NT5DC3: variants seen among roughly 807,000 people sequenced by gnomAD.
NT5DC3 encodes the protein 5'-nucleotidase domain-containing protein 3.
In NT5DC3, 42 loss-of-function variants were observed where a neutral mutation model predicts 67.8. That is an observed-to-expected ratio of 0.62 (90% confidence interval 0.48 to 0.80). The LOEUF is 0.80. NT5DC3 is among the 30% of genes least tolerant of loss of function. NT5DC3 has a pLI of 0.00. For missense variants in NT5DC3, 570 were observed against 696.4 expected (o/e 0.82, Z 2.04); for synonymous variants, 237 against 255.6 (o/e 0.93, Z 0.69).
In NT5DC3 at chr12:103,784,602, C is replaced by T. The variant is rs150057338; in HGVS notation, c.1329+733G>A. Reference sequence around the variant, plus strand: ...TGTGCCCAGATCCTAAAAATGTCAGCACCCATGCTGAGACGGCTGTAGCCC... The same window carrying T: ...TGTGCCCAGATCCTAAAAATGTCAGTACCCATGCTGAGACGGCTGTAGCCC... On this transcript the variant is annotated intron_variant, in intron 12 of 13. Transcript: ENST00000392876. 4.3e-3 allele frequency among the ~76,000 whole-genome samples: 660 copies of T among 152,346 alleles called. 5 individuals carry two copies. Among genetic ancestry groups the T allele is most frequent in the African/African-American group, 0.015 (628 of 41,578 alleles).
At position 103,785,886 on chromosome 12, in the gene NT5DC3, T is replaced by C. The variant is rs183987161; in HGVS notation, c.1189-411A>G. On this transcript the variant is annotated intron_variant, in intron 11 of 13. Transcript: ENST00000392876. ...AGGCCCTCTGGGTTATGGAGAACCA[T>C]GGAATCTCAGATTTGGAATGATCAC... 141 of 375,404 alleles carry C rather than the reference T, an allele frequency of 3.8e-4. 1 individual carries two copies. Among genetic ancestry groups the C allele is most frequent in the African/African-American group, 2.4e-3 (112 of 47,022 alleles). The allele number at this position is 375,404 out of a possible 1,614,324, so 23.3% of individuals were successfully genotyped here.
chr12:103,789,211 G>A (rs956620989), intron 9 of NT5DC3, among the ~76,000 whole-genome samples: 5 of 152,124 alleles, frequency 3.3e-5, no homozygotes, highest in Admixed American at 2.6e-4. Context: ...ATCACCTGAG[G>A]TCAGGAGTTC....
chr12:103,836,292 C>G (rs12369835), intron 1 of NT5DC3, among the ~76,000 whole-genome samples: 19,345 of 152,258 alleles, frequency 0.13, 1,418 homozygotes, highest in Middle Eastern at 0.28. Context: ...AGTCCAAAGT[C>G]TCATCTAAGA....
At chr12:103,751,111 T>C in the NT5DC3 span, among the ~76,000 whole-genome samples, 2 of 152,164 alleles carry the variant, frequency 1.3e-5, no homozygotes, top group African/African-American at 4.8e-5. Context: ...CAGAGGGACT[T>C]CAGTGGTTCA....
the NT5DC3 span, chr12:103,757,835 G>A: frequency 6.7e-6 from 2 of 300,412 alleles, no homozygotes; most frequent in Non-Finnish European, 1.3e-5. Flanking sequence ...GAGCTGTTAT[G>A]AAGACTTGGA....
chr12:103,815,280 A>G (rs1887202402), intron 1 of NT5DC3, among the ~76,000 whole-genome samples, 159 bp from the exon 2 acceptor site: 1 of 152,226 alleles, frequency 6.6e-6, no homozygotes, highest in African/African-American at 2.4e-5. Context: ...CACACGTTGC[A>G]TGATCCTATT....
chr12:103,780,307 C>G lies in NT5DC3; in HGVS notation c.1387G>C (p.Glu463Gln). The G allele has an allele frequency of 1.9e-6, 3 of 1,613,544 alleles. No homozygotes were observed. Among genetic ancestry groups the G allele is most frequent in the Non-Finnish European group, 2.5e-6 (3 of 1,179,458 alleles). Residue 463 changes from glutamate to glutamine, a missense_variant, in exon 13 of 14, where the codon GAG (glutamate) becomes CAG (glutamine). Coordinates refer to ENST00000392876, the MANE Select transcript of NT5DC3 (RefSeq NM_001031701.3). ...VLQEWKKERK[E>Q]MREMTKSFFN... The stretch of plus-strand genomic sequence containing the variant: ...AATACAGGCCTCTCTTACCGCATCT[C>G]CTTCCTTTCCTTTTTCCACTCCTGC...
the NT5DC3 span, among the ~76,000 whole-genome samples, chr12:103,747,251 C>CAT: frequency 2.4e-4 from 36 of 152,290 alleles, no homozygotes; most frequent in African/African-American, 7.9e-4. Flanking sequence ...ACTGTGAACA[C>CAT]TGCAATATCC....
downstream of NT5DC3, chr12:103,766,444 G>C: frequency 7.8e-7 from 1 of 1,289,570 alleles, no homozygotes; most frequent in Non-Finnish European, 1.1e-6. Flanking sequence ...TAAGCACTCA[G>C]AAGCCATACC....
At chr12:103,814,676 C>T (rs1320328281) in intron 2 of NT5DC3, among the ~76,000 whole-genome samples, 2 of 152,114 alleles carry the variant, frequency 1.3e-5, no homozygotes, top group Non-Finnish European at 2.9e-5. Flanking sequence ...CTGTGAAAGA[C>T]GAGAGTGTAA....
chr12:103,748,584 CCACACACACACACACACACATACA>C, the NT5DC3 span, among the ~76,000 whole-genome samples: 182 of 141,956 alleles, frequency 1.3e-3, 1 homozygote, highest in East Asian at 0.011. Flanking sequence ...TAACTCTACA[CCACACACACACACACACACATACA>C]CACACACACA....
chr12:103,809,632 T>C (rs1309114469), intron 2 of NT5DC3, among the ~76,000 whole-genome samples: 2 of 152,212 alleles, frequency 1.3e-5, no homozygotes, highest in Non-Finnish European at 2.9e-5. Context: ...CTCGGCTTTA[T>C]AACACCATTA....
chr12:103,814,892 G>A (rs763810172), intron 2 of NT5DC3, 45 bp downstream of exon 2: 1 of 1,483,262 alleles, frequency 6.7e-7, no homozygotes, highest in South Asian at 1.3e-5. Context: ...GCTGTTCTAA[G>A]AGGAAAAGGG....
the NT5DC3 span, chr12:103,750,867 G>C: frequency 8.0e-6 from 9 of 1,126,078 alleles, no homozygotes; most frequent in African/African-American, 1.1e-4. Context: ...AAGGCAGATG[G>C]ATCACTTGAG....
At chr12:103,840,407 T>C (rs1888347527) in intron 1 of NT5DC3, among the ~76,000 whole-genome samples, 1 of 148,560 alleles carries the variant, frequency 6.7e-6, no homozygotes, top group African/African-American at 2.5e-5. Flanking sequence ...TCTCATCTCA[T>C]CTCATCTCAT....
At chr12:103,753,169 AC>A in the NT5DC3 span, 11 of 1,603,552 alleles carry the variant, frequency 6.9e-6, no homozygotes, top group African/African-American at 1.3e-5. Flanking sequence ...TGTTGGAAAC[AC>A]TGCCAACCTG....
Position 103,793,937 on chromosome 12 carries a change from C to T in NT5DC3, c.814G>A (p.Glu272Lys). 1 of 1,609,274 alleles carries T rather than the reference C, an allele frequency of 6.2e-7. No homozygotes were observed. Among genetic ancestry groups the T allele is most frequent in the Non-Finnish European group, 8.5e-7 (1 of 1,175,626 alleles). The change falls in exon 7 of 14, where the codon GAA (glutamate) becomes AAA (lysine). Residue 272 changes from glutamate (E) to lysine (K), a missense_variant and splice_region_variant. Glu to Lys is a moderately conservative substitution (Grantham distance 56). This residue lies in a region of NT5DC3 where 466 missense variants were observed against 608.0 expected (regional missense o/e 0.77). Coordinates refer to ENST00000392876, the MANE Select transcript of NT5DC3 (RefSeq NM_001031701.3). ...IMYRAIEADI[E>K]KYICYAEQTR... The stretch of plus-strand genomic sequence containing the variant: ...CTTCGTGATACTGCTGAGCACATAC[C>T]AATGTCTGCTTCAATTGCTCTGTAC...
At chr12:103,799,836 C>T (rs945566378) in intron 4 of NT5DC3, among the ~76,000 whole-genome samples, 3 of 146,488 alleles carry the variant, frequency 2.0e-5, no homozygotes, top group African/African-American at 7.5e-5. Context: ...AAGTCAGTGG[C>T]CAGGATTTCA....
chr12:103,805,943 T>C (rs1002616366), intron 4 of NT5DC3, among the ~76,000 whole-genome samples: 3 of 150,754 alleles, frequency 2.0e-5, no homozygotes, highest in African/African-American at 7.3e-5. Flanking sequence ...ATAGCCCTCC[T>C]GCTCCAAGTC....
Sources: gnomAD v4.1 joint callset for allele counts (sites outside exome capture counted in the v4.1 genomes callset) on GRCh38, gnomAD v4.1.1 for gene constraint, gnomAD v4.1.1 regional missense constraint, MANE v1.5 for transcripts, NCBI Gene and HGNC (gene_info 2026-07-23, HGNC 2026-07-21) for gene names.